Variants in MAST4 observed in about 807,000 individuals in gnomAD.
MAST4 encodes microtubule-associated serine/threonine-protein kinase 4.
In MAST4, 89 loss-of-function variants were observed where a neutral mutation model predicts 162.7. The observed-to-expected ratio is 0.55, with a 90% CI of 0.46 to 0.65. The LOEUF (loss-of-function observed/expected upper bound fraction) is 0.65, where lower values mean the gene tolerates loss of function less well. Among genes scored for constraint, MAST4 ranks in the 30% least tolerant of loss-of-function variants. The probability of loss-of-function intolerance (pLI) is 0.00; values close to 1 mark genes in which losing one functional copy is unlikely to be tolerated. For missense variants in MAST4, 3,153 were observed against 3,374.0 expected (o/e 0.93, Z 1.62); for synonymous variants, 1,479 against 1,361.1 (o/e 1.09, Z -1.91).
At chr5:66,634,863 C>T (rs966560441) in intron 1 of MAST4, among the ~76,000 whole-genome samples, 1 of 152,134 alleles carries the variant, frequency 6.6e-6, no homozygotes, top group Non-Finnish European at 1.5e-5. Context: ...ATTCTGAAGC[C>T]CAGTGTGAGC....
At chr5:67,049,365 A>G (rs973701477) in intron 4 of MAST4, among the ~76,000 whole-genome samples, 1 of 152,064 alleles carries the variant, frequency 6.6e-6, no homozygotes, top group Non-Finnish European at 1.5e-5. Context: ...CTTCATTGTG[A>G]AGAAATGGAG....
intron 3 of MAST4, chr5:66,829,020 G>C: frequency 1.3e-6 from 1 of 756,738 alleles, no homozygotes; most frequent in South Asian, 1.6e-5. Flanking sequence ...GCTATACGGA[G>C]TTTCTGGTTA....
chr5:67,127,971 TTC>T (rs1326409614), intron 14 of MAST4, among the ~76,000 whole-genome samples: 1 of 152,204 alleles, frequency 6.6e-6, no homozygotes, highest in Non-Finnish European at 1.5e-5. Flanking sequence ...AATATATTGT[TTC>T]TGTTTTCCAA....
chr5:66,927,481 A>G (rs1764986184), intron 4 of MAST4, among the ~76,000 whole-genome samples: 2 of 152,166 alleles, frequency 1.3e-5, no homozygotes, highest in African/African-American at 4.8e-5. Context: ...TATGATCCCT[A>G]TCAGGATGGA....
chr5:66,972,983 A>G (rs2150206373), intron 4 of MAST4, among the ~76,000 whole-genome samples: 1 of 152,276 alleles, frequency 6.6e-6, no homozygotes, highest in African/African-American at 2.4e-5. Flanking sequence ...CCTGTTTTTA[A>G]AAAGTTGAAA....
At chr5:67,091,258 A>G (rs1763836063) in intron 6 of MAST4, among the ~76,000 whole-genome samples, 2 of 152,220 alleles carry the variant, frequency 1.3e-5, no homozygotes. Context: ...CGGCATTTTC[A>G]GAGTTCTGTG....
chr5:66,750,914 G>A (rs1178220878), intron 1 of MAST4, among the ~76,000 whole-genome samples: 1 of 152,218 alleles, frequency 6.6e-6, no homozygotes, highest in Non-Finnish European at 1.5e-5. Flanking sequence ...GCTTTGAAGA[G>A]AGCAGTGGTT....
intron 4 of MAST4, among the ~76,000 whole-genome samples, chr5:66,957,168 C>G (rs1745416939): frequency 6.6e-6 from 1 of 152,090 alleles, no homozygotes; most frequent in Non-Finnish European, 1.5e-5. Flanking sequence ...AGATGAAGGT[C>G]TACTTTAAAA....
At chr5:66,745,158 C>G (rs1752679147) in intron 1 of MAST4, among the ~76,000 whole-genome samples, 3 of 152,158 alleles carry the variant, frequency 2.0e-5, no homozygotes, top group South Asian at 2.1e-4. Flanking sequence ...ATTTATACGG[C>G]TGATAAGTGG....
Position 66,596,697 on chromosome 5 carries a change from C to A in MAST4, c.42C>A (p.Arg14=). The A allele has an allele frequency of 6.8e-7, 1 of 1,470,426 alleles. No homozygotes were observed. The highest frequency in any genetic ancestry group is 1.4e-5 in the South Asian group (1 of 71,842). The allele number at this position is 1,470,426 out of a possible 1,614,324, so 91.1% of individuals were successfully genotyped here. ...KVSEAPEPVP[R]GCSGHGSRTP... ...CGGAGGCGCCAGAGCCGGTGCCCCG[C>A]GGCTGCAGTGGCCACGGCAGCCGGA... The change falls in exon 1 of 29, where the codon CGC becomes CGA. Residue 14 remains arginine, a synonymous_variant. Coordinates refer to ENST00000403625, the MANE Select transcript of MAST4 (RefSeq NM_001164664.2).
At chr5:66,835,932 G>C (rs1302198538) in intron 3 of MAST4, among the ~76,000 whole-genome samples, 1 of 152,098 alleles carries the variant, frequency 6.6e-6, no homozygotes, top group Non-Finnish European at 1.5e-5. Context: ...CATTTTGGGA[G>C]GCCGAGGTGG....
intron 1 of MAST4, among the ~76,000 whole-genome samples, chr5:66,743,725 A>G (rs1752596666): frequency 2.0e-5 from 3 of 152,366 alleles, no homozygotes; most frequent in South Asian, 4.1e-4. Flanking sequence ...CCAGTCAGAT[A>G]GAATTCAGGG....
chr5:66,938,772 G>A (rs1322440195), intron 4 of MAST4, among the ~76,000 whole-genome samples: 1 of 152,272 alleles, frequency 6.6e-6, no homozygotes, highest in East Asian at 1.9e-4. Flanking sequence ...TTCTTCCAGT[G>A]TGAAACAAAT....
rs748375268 is a variant in MAST4 at position 67,066,574 on chromosome 5, G to T, written c.763+12082G>T. 2.0e-4 allele frequency among the ~76,000 whole-genome samples: 30 copies of T among 151,994 alleles called. 1 individual carries two copies. In the Middle Eastern group the frequency reaches 0.014, roughly 69 times the overall value. ...TTTCCCCTAATGGTTGGTTTCAAAA[G>T]ATACAAAATATTCTATTTTATGGAA... On this transcript the variant is annotated intron_variant, in intron 5 of 28. Coordinates refer to ENST00000403625, the MANE Select transcript of MAST4 (RefSeq NM_001164664.2).
At chr5:66,924,542 C>T (rs753686101) in intron 4 of MAST4, among the ~76,000 whole-genome samples, 25 of 151,768 alleles carry the variant, frequency 1.6e-4, no homozygotes, top group Non-Finnish European at 2.8e-4. Context: ...TATAGGCGTC[C>T]GCCACCGCGT....
At chr5:67,042,969 A>G (rs895066282) in intron 4 of MAST4, among the ~76,000 whole-genome samples, 1 of 152,232 alleles carries the variant, frequency 6.6e-6, no homozygotes, top group African/African-American at 2.4e-5. Flanking sequence ...AAACTGCTAT[A>G]TAAAAGCCAA....
At chr5:66,609,527 C>T (rs969270627) in intron 1 of MAST4, among the ~76,000 whole-genome samples, 1 of 150,814 alleles carries the variant, frequency 6.6e-6, no homozygotes, top group Non-Finnish European at 1.5e-5. Flanking sequence ...GTACCTGGGG[C>T]TACAGGCGCA....
At chr5:66,681,654 A>G (rs1748334446) in intron 1 of MAST4, among the ~76,000 whole-genome samples, 1 of 152,128 alleles carries the variant, frequency 6.6e-6, no homozygotes, top group Non-Finnish European at 1.5e-5. Flanking sequence ...AATTCTTTAT[A>G]TTTGTGCTTC....
intron 3 of MAST4, among the ~76,000 whole-genome samples, chr5:66,850,898 C>A (rs1243793089): frequency 6.7e-6 from 1 of 150,334 alleles, no homozygotes; most frequent in Non-Finnish European, 1.5e-5. Flanking sequence ...ATTGCACAAC[C>A]CTGACCCAAG....
Sources: gnomAD v4.1 joint callset for allele counts (sites outside exome capture counted in the v4.1 genomes callset) on GRCh38, gnomAD v4.1.1 for gene constraint, MANE v1.5 for transcripts, NCBI Gene and HGNC (gene_info 2026-07-23, HGNC 2026-07-21) for gene names.